Variants in RMDN2 observed in about 807,000 individuals in gnomAD.
RMDN2 encodes the protein regulator of microtubule dynamics 2, also known as regulator of microtubule dynamics protein 2.
In RMDN2, 61 loss-of-function variants were observed where a neutral mutation model predicts 52.8. The ratio of observed to expected loss-of-function variants is 1.16; its 90% CI spans 0.94 to 1.43. The LOEUF (loss-of-function observed/expected upper bound fraction) is 1.43, where lower values mean the gene tolerates loss of function less well. Ranked by LOEUF, RMDN2 falls within the 40% of genes most tolerant of loss-of-function variation. The pLI is 0.00. For synonymous variants in RMDN2, 180 were observed against 153.1 expected, an observed-to-expected ratio of 1.18 and a Z score of -1.30; for missense variants, 592 against 475.3, an observed-to-expected ratio of 1.25 and a Z score of -2.28.
rs147236128 is a variant in RMDN2, at chr2:37,927,206, G to C, written c.-17+1781G>C. ...TAATATTTCAGCTTTGAGCATCTCT[G>C]TTCAGTCAGTACTCTCCTTCACCTC... On this transcript the variant is annotated intron_variant, in intron 1 of 10. Coordinates refer to ENST00000354545, the MANE Select transcript of RMDN2 (RefSeq NM_001170791.3). Among the ~76,000 whole-genome samples, 1,031 of 152,234 alleles carry C rather than the reference G, an allele frequency of 6.8e-3. 6 individuals are homozygous for C. Among genetic ancestry groups the C allele is most frequent in the African/African-American group, 0.024 (977 of 41,526 alleles).
At chr2:38,051,589 T>C (rs535192509) in intron 10 of RMDN2, among the ~76,000 whole-genome samples, 57 of 152,342 alleles carry the variant, frequency 3.7e-4, no homozygotes, top group African/African-American at 1.3e-3. Context: ...TTATTAACTA[T>C]ACTCACCCTT....
At chr2:37,973,641 G>C (rs1232326283) in intron 2 of RMDN2, among the ~76,000 whole-genome samples, 1 of 152,114 alleles carries the variant, frequency 6.6e-6, no homozygotes, top group Non-Finnish European at 1.5e-5. Context: ...GTCTGGATGG[G>C]CCACATTGAG....
chr2:37,966,907 A>C (rs2125043820), intron 2 of RMDN2, among the ~76,000 whole-genome samples: 1 of 152,360 alleles, frequency 6.6e-6, no homozygotes, highest in Non-Finnish European at 1.5e-5. Flanking sequence ...GTTTGATAAA[A>C]GCCCCTATCA....
At chr2:37,992,700 A>C (rs549134348) in intron 7 of RMDN2, among the ~76,000 whole-genome samples, 1 of 152,336 alleles carries the variant, frequency 6.6e-6, no homozygotes, top group South Asian at 2.1e-4. Context: ...AAAACTAGAG[A>C]AAAAGTACAA....
intron 10 of RMDN2, among the ~76,000 whole-genome samples, chr2:38,032,552 C>T (rs1227704586): frequency 6.6e-6 from 1 of 152,206 alleles, no homozygotes; most frequent in African/African-American, 2.4e-5. Context: ...TAAACATTCA[C>T]TTACAGGCTG....
At chr2:37,939,808 A>G (rs770302423) in intron 2 of RMDN2, among the ~76,000 whole-genome samples, 5 of 152,184 alleles carry the variant, frequency 3.3e-5, no homozygotes, top group African/African-American at 9.7e-5. Context: ...GGTCCCCTAA[A>G]TACAGCACAC....
At chr2:38,006,297 A>G (rs1317088370) in intron 10 of RMDN2, among the ~76,000 whole-genome samples, 1 of 152,074 alleles carries the variant, frequency 6.6e-6, no homozygotes, top group Non-Finnish European at 1.5e-5. Flanking sequence ...CTTGGTCAGT[A>G]TGGCCATTTT....
chr2:37,938,740 C>G (rs944884005), intron 2 of RMDN2, among the ~76,000 whole-genome samples: 6 of 152,060 alleles, frequency 3.9e-5, no homozygotes, highest in African/African-American at 1.4e-4. Context: ...CAGTGGTGAT[C>G]TCCCCTTTAT....
At chr2:38,003,774 G>A (rs545203614) in intron 8 of RMDN2, among the ~76,000 whole-genome samples, 5 of 152,254 alleles carry the variant, frequency 3.3e-5, no homozygotes, top group Admixed American at 1.3e-4. Flanking sequence ...TATGACCATG[G>A]TAATCAATTT....
chr2:37,995,364 T>TACC (rs1237053304), intron 7 of RMDN2, among the ~76,000 whole-genome samples: 6 of 146,456 alleles, frequency 4.1e-5, no homozygotes, highest in East Asian at 1.9e-4. Context: ...CTACTACTAC[T>TACC]ACACACACAC....
At chr2:38,025,643 C>A (rs1186228543) in intron 10 of RMDN2, among the ~76,000 whole-genome samples, 1 of 151,812 alleles carries the variant, frequency 6.6e-6, no homozygotes, top group Non-Finnish European at 1.5e-5. Flanking sequence ...GAGAAGCTCT[C>A]TTTTGTTCTT....
chr2:37,952,850 C>G (rs919518768), intron 2 of RMDN2: 2 of 151,828 alleles, frequency 1.3e-5, no homozygotes, highest in Non-Finnish European at 2.9e-5. Flanking sequence ...TCAAGGAATT[C>G]TGAAATCAGG....
intron 10 of RMDN2, among the ~76,000 whole-genome samples, chr2:38,026,010 T>A (rs1679755081): frequency 6.6e-6 from 1 of 152,128 alleles, no homozygotes; most frequent in Admixed American, 6.5e-5. Flanking sequence ...TTAAAAACTA[T>A]GTAGAATTGA....
intron 2 of RMDN2, among the ~76,000 whole-genome samples, chr2:37,972,775 C>T (rs1481565442): frequency 1.3e-5 from 2 of 152,062 alleles, no homozygotes; most frequent in Non-Finnish European, 2.9e-5. Context: ...ACGATAGAAC[C>T]AGCAGGATTT....
At chr2:38,038,822 T>C (rs558178334) in intron 10 of RMDN2, among the ~76,000 whole-genome samples, 1 of 152,204 alleles carries the variant, frequency 6.6e-6, no homozygotes, top group African/African-American at 2.4e-5. Flanking sequence ...GACCTGATCC[T>C]GGGGAGGATC....
upstream of RMDN2, among the ~76,000 whole-genome samples, chr2:37,924,547 G>A (rs1183468842): frequency 3.3e-5 from 5 of 151,728 alleles, no homozygotes; most frequent in Non-Finnish European, 7.4e-5. Flanking sequence ...TGTATTTTTA[G>A]TAGAGACAGG....
intron 2 of RMDN2, among the ~76,000 whole-genome samples, chr2:37,930,904 A>G (rs2124891292): frequency 6.6e-6 from 1 of 152,306 alleles, no homozygotes. Context: ...ACAAAGGGGC[A>G]CAGTGGGCAG....
intron 5 of RMDN2, among the ~76,000 whole-genome samples, chr2:37,988,261 C>A (rs1674307017): frequency 6.6e-6 from 1 of 152,162 alleles, no homozygotes; most frequent in Non-Finnish European, 1.5e-5. Context: ...TTCTGTTAAT[C>A]TGCTTTTCTT....
intron 2 of RMDN2, among the ~76,000 whole-genome samples, chr2:37,959,038 G>T (rs988012417): frequency 1.3e-5 from 2 of 151,052 alleles, no homozygotes. Flanking sequence ...TTGATGTGCT[G>T]CTGGATTTGG....
Sources: allele counts gnomAD v4.1 joint callset (sites outside exome capture counted in the v4.1 genomes callset), GRCh38; gene constraint gnomAD v4.1.1; transcripts MANE v1.5; gene names NCBI Gene and HGNC (gene_info 2026-07-23, HGNC 2026-07-21).